FAF1: variants seen among roughly 807,000 people sequenced by gnomAD.
The protein encoded by FAF1 is Fas associated factor 1.
FAF1 carries 25 observed loss-of-function variants against 92.5 expected under a neutral mutation model. That is an observed-to-expected ratio of 0.27 (90% CI 0.20 to 0.38). FAF1 has a LOEUF of 0.38. Ranked by LOEUF, FAF1 falls within the 10% of genes least tolerant of loss-of-function variation. The probability of loss-of-function intolerance (pLI) is 1.00; values close to 1 mark genes in which losing one functional copy is unlikely to be tolerated. For missense variants in FAF1, 636 were observed against 793.3 expected (o/e 0.80, Z 2.38); for synonymous variants, 234 against 273.2 (o/e 0.86, Z 1.42).
intron 1 of FAF1, among the ~76,000 whole-genome samples, chr1:50,877,812 T>C (rs1644582586): frequency 1.3e-5 from 2 of 152,176 alleles, no homozygotes; most frequent in African/African-American, 2.4e-5. Context: ...TAAATTCTTG[T>C]GATACCCAAC....
intron 2 of FAF1, among the ~76,000 whole-genome samples, 180 bp from the exon 3 acceptor site, chr1:50,801,857 GT>G (rs1416021331): frequency 1.3e-5 from 2 of 152,068 alleles, no homozygotes; most frequent in Non-Finnish European, 2.9e-5. Flanking sequence ...TTATAAAATT[GT>G]ATTTTAGAAA....
chr1:50,580,621 G>GT (rs1650946272), intron 12 of FAF1, among the ~76,000 whole-genome samples: 1 of 151,650 alleles, frequency 6.6e-6, no homozygotes. Flanking sequence ...ATATTAAAAG[G>GT]TAAAAAAAGC....
chr1:50,752,376 A>C (rs564933936), intron 4 of FAF1, among the ~76,000 whole-genome samples: 13 of 152,206 alleles, frequency 8.5e-5, no homozygotes, highest in African/African-American at 3.1e-4. Flanking sequence ...CTTTAAAATA[A>C]TTTTTCTAAC....
intron 13 of FAF1, among the ~76,000 whole-genome samples, chr1:50,555,907 C>CATAT (rs772489460): frequency 6.6e-5 from 10 of 150,762 alleles, no homozygotes; most frequent in African/African-American, 2.2e-4. Context: ...GGTACGTATA[C>CATAT]ATATATATAT....
intron 7 of FAF1, among the ~76,000 whole-genome samples, chr1:50,680,741 A>G (rs1234080072): frequency 6.6e-6 from 1 of 152,100 alleles, no homozygotes; most frequent in Non-Finnish European, 1.5e-5. Flanking sequence ...CTGAGTCAAA[A>G]GTGACCTAAG....
intron 1 of FAF1, among the ~76,000 whole-genome samples, chr1:50,862,598 T>A (rs1274851139): frequency 6.6e-6 from 1 of 151,702 alleles, no homozygotes; most frequent in Non-Finnish European, 1.5e-5. Context: ...AGATATAGAA[T>A]GGCAGAATGG....
At chr1:50,527,811 GTCTCTCTC>G (rs9326017) in intron 15 of FAF1, among the ~76,000 whole-genome samples, 122 of 75,302 alleles carry the variant, frequency 1.6e-3, no homozygotes, top group African/African-American at 4.1e-3. Flanking sequence ...TTACTCTGCT[GTCTCTCTC>G]TCTCTCTCTC....
chr1:50,621,058 A>T (rs1653174092), intron 8 of FAF1, among the ~76,000 whole-genome samples: 1 of 152,236 alleles, frequency 6.6e-6, no homozygotes, highest in African/African-American at 2.4e-5. Flanking sequence ...CCTAGTTCTC[A>T]GTCCTCTGAT....
At chr1:50,830,220 C>T (rs769791974) in intron 2 of FAF1, among the ~76,000 whole-genome samples, 4 of 152,162 alleles carry the variant, frequency 2.6e-5, no homozygotes, top group East Asian at 1.9e-4. Context: ...TGGATTCAAG[C>T]GATTCTGCTG....
intron 1 of FAF1, among the ~76,000 whole-genome samples, chr1:50,914,495 C>T (rs1364918288): frequency 6.6e-6 from 1 of 152,154 alleles, no homozygotes; most frequent in Non-Finnish European, 1.5e-5. Context: ...ATTTACTTAG[C>T]ACATTTCATT....
intron 15 of FAF1, among the ~76,000 whole-genome samples, chr1:50,505,165 G>A (rs143309703): frequency 9.5e-4 from 144 of 152,240 alleles, no homozygotes; most frequent in African/African-American, 3.3e-3. Context: ...CCACACTGGG[G>A]GAGAAGAATG....
At chr1:50,636,762 C>T (rs192688226) in intron 8 of FAF1, among the ~76,000 whole-genome samples, 9 of 152,262 alleles carry the variant, frequency 5.9e-5, no homozygotes, top group Admixed American at 5.9e-4. Flanking sequence ...TGTCCTCTCT[C>T]AGAAATTTTT....
chr1:50,510,637 T>C (rs1284941540), intron 15 of FAF1, among the ~76,000 whole-genome samples: 1 of 152,174 alleles, frequency 6.6e-6, no homozygotes, highest in Non-Finnish European at 1.5e-5. Context: ...TAACCACGGA[T>C]TATGCACCAG....
At chr1:50,483,132 T>C (rs1646722265) in intron 17 of FAF1, among the ~76,000 whole-genome samples, 1 of 152,188 alleles carries the variant, frequency 6.6e-6, no homozygotes, top group African/African-American at 2.4e-5. Flanking sequence ...TTAGGTCTAT[T>C]ACCCATTTTG....
intron 7 of FAF1, among the ~76,000 whole-genome samples, chr1:50,694,292 AAGGC>A (rs139259314): frequency 0.031 from 4,694 of 152,166 alleles, 237 homozygotes; most frequent in African/African-American, 0.11. Context: ...TCATTAGGCA[AAGGC>A]AGGCAGGCAT....
chr1:50,514,808 G>A (rs528063419), intron 15 of FAF1, among the ~76,000 whole-genome samples: 1 of 152,188 alleles, frequency 6.6e-6, no homozygotes, highest in Non-Finnish European at 1.5e-5. Context: ...CCATCTCAGT[G>A]TCTGCTTTAG....
chr1:50,570,219 T>C (rs1245937061), intron 12 of FAF1, among the ~76,000 whole-genome samples: 10 of 152,166 alleles, frequency 6.6e-5, no homozygotes, highest in Non-Finnish European at 1.5e-5. Context: ...TAAACATCCA[T>C]GCTGAGAAGA....
At chr1:50,569,930 C>T (rs1312675676) in intron 12 of FAF1, among the ~76,000 whole-genome samples, 3 of 152,032 alleles carry the variant, frequency 2.0e-5, no homozygotes, top group Non-Finnish European at 2.9e-5. Flanking sequence ...AGCAATAAAA[C>T]GGCATCTCTT....
At chr1:50,846,883 T>C in intron 2 of FAF1, 1 of 428,914 alleles carries the variant, frequency 2.3e-6, no homozygotes, top group Admixed American at 3.3e-5. Flanking sequence ...AATCCCTTCA[T>C]ATTTGAGCAG....
Sources: allele counts gnomAD v4.1 joint callset (sites outside exome capture counted in the v4.1 genomes callset), GRCh38; gene constraint gnomAD v4.1.1; transcripts MANE v1.5; gene names NCBI Gene and HGNC (gene_info 2026-07-23, HGNC 2026-07-21).